Variants in SMOC1 observed in about 807,000 individuals in gnomAD.
SMOC1 encodes SPARC related modular calcium binding 1.
In SMOC1, 22 loss-of-function variants were observed where a neutral mutation model predicts 56.3. The observed-to-expected ratio is 0.39, with a 90% CI of 0.28 to 0.56. The LOEUF is 0.56. Among genes scored for constraint, SMOC1 ranks in the 20% least tolerant of loss-of-function variants. The probability of loss-of-function intolerance (pLI) is 0.61; values close to 1 mark genes in which losing one functional copy is unlikely to be tolerated. For synonymous variants in SMOC1, 193 were observed against 215.0 expected (o/e 0.90, Z 0.89); for missense variants, 509 against 565.4 (o/e 0.90, Z 1.01).
At chr14:70,024,431 G>A (rs1042557600) in intron 11 of SMOC1, among the ~76,000 whole-genome samples, 4 of 152,126 alleles carry the variant, frequency 2.6e-5, no homozygotes, top group Admixed American at 6.5e-5. Context: ...TTTGTAAAGA[G>A]CTGTAAGTTT....
At chr14:70,007,584 AATTT>A (rs1313569371) in intron 7 of SMOC1, among the ~76,000 whole-genome samples, 1 of 152,218 alleles carries the variant, frequency 6.6e-6, no homozygotes, top group Admixed American at 6.5e-5. Flanking sequence ...TGTAAAAATA[AATTT>A]ATTTGTCTCC....
In SMOC1 at chr14:69,964,287, G is replaced by A. The variant is rs190206352; in HGVS notation, c.378+10755G>A. 1.4e-4 allele frequency among the ~76,000 whole-genome samples: 21 copies of A among 152,282 alleles called. No homozygotes were observed. In the East Asian group the frequency reaches 4.0e-3, roughly 29 times the overall value. On this transcript the variant is annotated intron_variant, in intron 3 of 11. Transcript: ENST00000361956. ...TGCAGTGTGCTTGGGAGGGAGGGAG[G>A]GAAAGATGGAAGCCTCCTGCTCTGG...
intron 2 of SMOC1, among the ~76,000 whole-genome samples, chr14:69,952,858 C>T (rs1446741025): frequency 6.6e-6 from 1 of 152,180 alleles, no homozygotes; most frequent in Non-Finnish European, 1.5e-5. Flanking sequence ...GTCCAGTTTG[C>T]CACAGTCTTA....
chr14:69,932,815 G>C, intron 1 of SMOC1, among the ~76,000 whole-genome samples: 1 of 152,156 alleles, frequency 6.6e-6, no homozygotes, highest in South Asian at 2.1e-4. Context: ...AGGCAGCTCT[G>C]GCAGGGCTGG....
intron 7 of SMOC1, among the ~76,000 whole-genome samples, chr14:69,999,985 T>C (rs957665609): frequency 6.6e-6 from 1 of 152,146 alleles, no homozygotes; most frequent in Non-Finnish European, 1.5e-5. Flanking sequence ...TAATGTTAGA[T>C]AGCAAAACTA....
chr14:69,893,392 G>T (rs1432981164), intron 1 of SMOC1, among the ~76,000 whole-genome samples: 1 of 152,132 alleles, frequency 6.6e-6, no homozygotes, highest in Non-Finnish European at 1.5e-5. Flanking sequence ...TAGAGAAGGG[G>T]GTTTAGTGCT....
At chr14:69,974,149 A>G (rs776174398) in intron 3 of SMOC1, among the ~76,000 whole-genome samples, 1 of 152,194 alleles carries the variant, frequency 6.6e-6, no homozygotes, top group Non-Finnish European at 1.5e-5. Flanking sequence ...GAATGTAGAA[A>G]TAACTAGCAT....
chr14:69,935,665 A>G (rs1168459237), intron 1 of SMOC1, among the ~76,000 whole-genome samples: 5 of 152,066 alleles, frequency 3.3e-5, no homozygotes, highest in Non-Finnish European at 1.5e-5. Context: ...AGCTTGCTAC[A>G]TGTGGGTGGC....
rs751662427 is a variant in SMOC1 at position 69,992,441 on chromosome 14, C to T, written c.551C>T (p.Thr184Met). 30 of 1,614,108 alleles carry T rather than the reference C, an allele frequency of 1.9e-5. No individual in the cohort carries two copies. Among genetic ancestry groups the T allele is most frequent in the Middle Eastern group, 1.6e-4 (1 of 6,062 alleles). ...GATGACGGGTCTAAGCCGACACCCA[C>T]GATGGAGACCCAGCCGGTGTTCGAT... ...RKDDGSKPTP[T>M]METQPVFDGD... The change falls in exon 6 of 12, where the codon ACG (threonine) becomes ATG (methionine). Residue 184 changes from threonine (T) to methionine (M), a missense_variant. Transcript: ENST00000361956.
intron 3 of SMOC1, among the ~76,000 whole-genome samples, chr14:69,956,340 A>G (rs562509436): frequency 3.9e-5 from 6 of 152,120 alleles, no homozygotes; most frequent in Non-Finnish European, 8.8e-5. Context: ...CAATAACTTC[A>G]CAAAATAAGG....
chr14:69,914,169 C>T (rs74063003), intron 1 of SMOC1, among the ~76,000 whole-genome samples: 2 of 152,202 alleles, frequency 1.3e-5, no homozygotes, highest in South Asian at 2.1e-4. Context: ...AAGCCCTGGG[C>T]GTGATTCTGA....
At chr14:69,913,657 GA>G (rs1884613673) in intron 1 of SMOC1, among the ~76,000 whole-genome samples, 1 of 152,246 alleles carries the variant, frequency 6.6e-6, no homozygotes, top group Admixed American at 6.5e-5. Context: ...TGATTTAAAT[GA>G]AACAGCCTGG....
intron 1 of SMOC1, among the ~76,000 whole-genome samples, chr14:69,935,107 G>A (rs1356820728): frequency 2.6e-5 from 4 of 152,176 alleles, no homozygotes; most frequent in Admixed American, 6.5e-5. Flanking sequence ...GTGCTTTATA[G>A]TCTAGGTTTT....
At chr14:70,013,609 A>C in intron 10 of SMOC1, 118 bp downstream of exon 10, 1 of 866,390 alleles carries the variant, frequency 1.2e-6, no homozygotes, top group South Asian at 1.4e-5. Context: ...CTGGAAGTTG[A>C]TCTTTTTCCT....
intron 3 of SMOC1, among the ~76,000 whole-genome samples, chr14:69,969,914 G>A (rs1279120370): frequency 6.6e-6 from 1 of 152,196 alleles, no homozygotes; most frequent in South Asian, 2.1e-4. Context: ...GAGAACAGCA[G>A]CCTCACATTT....
chr14:69,889,810 A>G (rs1424148231), intron 1 of SMOC1, among the ~76,000 whole-genome samples: 1 of 152,186 alleles, frequency 6.6e-6, no homozygotes, highest in Non-Finnish European at 1.5e-5. Flanking sequence ...ATCTGCCTGC[A>G]TTCCTCGGCT....
chr14:69,999,549 T>G (rs1400391324), intron 7 of SMOC1, among the ~76,000 whole-genome samples: 1 of 152,152 alleles, frequency 6.6e-6, no homozygotes, highest in African/African-American at 2.4e-5. Context: ...ATTTAAAATA[T>G]CTATATAAAA....
intron 5 of SMOC1, among the ~76,000 whole-genome samples, chr14:69,984,242 C>T (rs965754641): frequency 6.6e-6 from 1 of 152,166 alleles, no homozygotes; most frequent in Non-Finnish European, 1.5e-5. Context: ...GACCCCAAAG[C>T]CTCAACCTAA....
intron 1 of SMOC1, among the ~76,000 whole-genome samples, chr14:69,916,712 A>G (rs1034602704): frequency 1.3e-5 from 2 of 152,200 alleles, no homozygotes; most frequent in African/African-American, 4.8e-5. Context: ...TTTTGGTCAA[A>G]TGTCACCTTC....
Sources: allele counts gnomAD v4.1 joint callset (sites outside exome capture counted in the v4.1 genomes callset), GRCh38; gene constraint gnomAD v4.1.1; transcripts MANE v1.5; gene names NCBI Gene and HGNC (gene_info 2026-07-23, HGNC 2026-07-21).